The following ANKS1B variants were observed in gnomAD, a reference collection of about 807,000 sequenced individuals.
The protein encoded by ANKS1B is ankyrin repeat and sterile alpha motif domain-containing protein 1B.
ANKS1B carries 36 observed loss-of-function variants against 148.3 expected under a neutral mutation model. The ratio of observed to expected loss-of-function variants is 0.24; its 90% confidence interval spans 0.19 to 0.32. The LOEUF (loss-of-function observed/expected upper bound fraction) is 0.32, where lower values mean the gene tolerates loss of function less well. ANKS1B is among the 10% of genes least tolerant of loss of function. ANKS1B has a pLI of 1.00. For missense variants in ANKS1B, 1,157 were observed against 1,542.6 expected (o/e 0.75, Z 4.19); for synonymous variants, 542 against 560.8 (o/e 0.97, Z 0.47).
At chr12:98,740,732 T>G (rs1211597530), downstream of ANKS1B, among the ~76,000 whole-genome samples, 1 of 152,208 alleles carries the variant, frequency 6.6e-6, no homozygotes, top group East Asian at 1.9e-4. Context: ...TGTGCTCAGC[T>G]AAAACTAACA....
In ANKS1B at chr12:99,693,005, G is replaced by A. The variant is rs572011929; in HGVS notation, c.1129-37795C>T. Among the ~76,000 whole-genome samples, 5 of 152,266 alleles carry A rather than the reference G, an allele frequency of 3.3e-5. No homozygotes were observed. In the South Asian group the frequency reaches 6.2e-4, roughly 19 times the overall value. ...TGGATGTATTACTTTGGGCAAGTGT[G>A]TTAATTGAAAATACAAGGTTTTCTG... is the stretch of plus-strand genomic sequence containing the variant. On this transcript the variant is annotated intron_variant, in intron 8 of 26. Transcript: ENST00000683438.
At chr12:99,465,049 C>T (rs1035446411) in intron 10 of ANKS1B, among the ~76,000 whole-genome samples, 62 of 152,268 alleles carry the variant, frequency 4.1e-4, no homozygotes, top group Admixed American at 7.2e-4. Context: ...AGAGAAAGGT[C>T]GGGTTACCCA....
intron 1 of ANKS1B, among the ~76,000 whole-genome samples, chr12:99,892,560 C>T (rs1008141139): frequency 6.6e-6 from 1 of 152,134 alleles, no homozygotes; most frequent in African/African-American, 2.4e-5. Flanking sequence ...CTGATTTACA[C>T]AACAAAAATC....
chr12:99,005,078 G>A (rs1049706978), intron 17 of ANKS1B, among the ~76,000 whole-genome samples: 1 of 152,184 alleles, frequency 6.6e-6, no homozygotes, highest in African/African-American at 2.4e-5. Context: ...CTCATAAAAA[G>A]TCCCTTGCTG....
intron 1 of ANKS1B, among the ~76,000 whole-genome samples, chr12:99,847,346 T>C (rs996099010): frequency 1.3e-5 from 2 of 152,090 alleles, no homozygotes; most frequent in African/African-American, 4.8e-5. Context: ...AAAAATAGAA[T>C]TCCTCTTCCC....
At chr12:99,487,914 CA>C (rs1198796016) in intron 10 of ANKS1B, among the ~76,000 whole-genome samples, 1 of 152,076 alleles carries the variant, frequency 6.6e-6, no homozygotes, top group Non-Finnish European at 1.5e-5. Flanking sequence ...TGAAACATGA[CA>C]TATTAAAATC....
chr12:99,448,211 T>C (rs566964511), intron 10 of ANKS1B, among the ~76,000 whole-genome samples: 3 of 152,128 alleles, frequency 2.0e-5, no homozygotes, highest in East Asian at 3.9e-4. Flanking sequence ...CATTAAGAGA[T>C]GAATGGATAA....
intron 15 of ANKS1B, among the ~76,000 whole-genome samples, chr12:99,124,295 C>T (rs1176786600): frequency 6.6e-6 from 1 of 152,018 alleles, no homozygotes; most frequent in African/African-American, 2.4e-5. Context: ...AGAGGTAGTG[C>T]CAGTGGGATT....
intron 8 of ANKS1B, among the ~76,000 whole-genome samples, chr12:99,743,216 T>C (rs1446664882): frequency 6.6e-6 from 1 of 152,212 alleles, no homozygotes; most frequent in African/African-American, 2.4e-5. Flanking sequence ...CCTACAGATA[T>C]AGGGAAAGAC....
intron 17 of ANKS1B, among the ~76,000 whole-genome samples, chr12:98,885,741 C>A (rs530728346): frequency 6.6e-6 from 1 of 152,234 alleles, no homozygotes; most frequent in Admixed American, 6.5e-5. Context: ...TAAGGAAGCA[C>A]GGCCCAGGAA....
At chr12:99,671,792 G>A (rs2153469910) in intron 8 of ANKS1B, among the ~76,000 whole-genome samples, 1 of 152,072 alleles carries the variant, frequency 6.6e-6, no homozygotes, top group South Asian at 2.1e-4. Context: ...AGTAGTATGT[G>A]GTACTACTCC....
chr12:99,216,137 G>T (rs2084141998), intron 14 of ANKS1B, among the ~76,000 whole-genome samples: 1 of 152,206 alleles, frequency 6.6e-6, no homozygotes, highest in Admixed American at 6.5e-5. Flanking sequence ...TCTCTTGCCT[G>T]CCACCATGTA....
At chr12:99,532,203 C>G (rs1001698489) in intron 9 of ANKS1B, among the ~76,000 whole-genome samples, 2 of 152,108 alleles carry the variant, frequency 1.3e-5, no homozygotes, top group African/African-American at 4.8e-5. Flanking sequence ...TCATTTAATT[C>G]AATCACATTT....
At chr12:99,632,727 C>CTG (rs1555520239) in intron 9 of ANKS1B, among the ~76,000 whole-genome samples, 1 of 39,052 alleles carries the variant, frequency 2.6e-5, no homozygotes, top group South Asian at 9.0e-4. Flanking sequence ...CCTTTTCTTT[C>CTG]TATATATATA....
Position 99,647,803 on chromosome 12 carries a change from G to A in ANKS1B, c.1272+7264C>T, listed in dbSNP as rs976952618. The A allele has an allele frequency of 6.9e-5, 16 of 230,930 alleles. 1 individual carries two copies. Among genetic ancestry groups the A allele is most frequent in the African/African-American group, 3.1e-4 (14 of 45,168 alleles). 14.3% of individuals were successfully genotyped at this position (230,930 alleles called of 1,614,324 possible). ...GAAGAGCAGTGGGATTGCCAGTTAA[G>A]GTTGTGGAATCAAAGAGCAAAGGCT... On this transcript the variant is annotated intron_variant, in intron 9 of 26. Transcript: ENST00000683438.
intron 17 of ANKS1B, among the ~76,000 whole-genome samples, chr12:98,899,873 G>C (rs557588237): frequency 6.6e-6 from 1 of 152,236 alleles, no homozygotes; most frequent in South Asian, 2.1e-4. Flanking sequence ...TATACACTCT[G>C]ATAAAAATGT....
rs147650651 is a variant in ANKS1B at position 99,439,621 on chromosome 12, A to T, written c.1575+4052T>A. On this transcript the variant is annotated intron_variant, in intron 11 of 26. Transcript: ENST00000683438. ...CATAATGAGAAATCATTTCACACCC[A>T]GAAGAATGGCTAAAATAAAAAAGTT... Among the ~76,000 whole-genome samples the T allele has an allele frequency of 5.2e-3, 787 of 151,876 alleles. 4 individuals carry two copies. The highest frequency in any genetic ancestry group is 0.018 in the African/African-American group (760 of 41,512).
chr12:99,845,643 T>C (rs2153701431), intron 1 of ANKS1B, among the ~76,000 whole-genome samples: 1 of 152,332 alleles, frequency 6.6e-6, no homozygotes. Flanking sequence ...TTGAGAATTT[T>C]TGCAGTGATG....
At chr12:98,959,255 C>T (rs1000612801) in intron 17 of ANKS1B, among the ~76,000 whole-genome samples, 3 of 152,196 alleles carry the variant, frequency 2.0e-5, no homozygotes, top group Non-Finnish European at 4.4e-5. Context: ...TTTTGATTCA[C>T]TTATCACTAT....
Sources: gnomAD v4.1 joint callset for allele counts (sites outside exome capture counted in the v4.1 genomes callset) on GRCh38, gnomAD v4.1.1 for gene constraint, MANE v1.5 for transcripts, NCBI Gene and HGNC (gene_info 2026-07-23, HGNC 2026-07-21) for gene names.